The following UBAC2 variants were observed in gnomAD, a reference collection of about 807,000 sequenced individuals.
UBAC2 encodes the protein UBA domain containing 2, also known as ubiquitin-associated domain-containing protein 2.
In UBAC2, 26 loss-of-function variants were observed where a neutral mutation model predicts 44.0. The observed-to-expected ratio is 0.59, with a 90% CI of 0.43 to 0.82. The LOEUF (loss-of-function observed/expected upper bound fraction) is 0.82, where lower values mean the gene tolerates loss of function less well. UBAC2 is among the 40% of genes least tolerant of loss of function. UBAC2 has a pLI of 0.00. For missense variants in UBAC2, 329 were observed against 419.4 expected, an observed-to-expected ratio of 0.78 and a Z score of 1.88; for synonymous variants, 155 against 154.3, an observed-to-expected ratio of 1.00 and a Z score of -0.04.
chr13:99,385,176 G>A, intron 8 of UBAC2, 52 bp from the exon 9 acceptor site: 2 of 1,354,968 alleles, frequency 1.5e-6, no homozygotes, highest in South Asian at 1.2e-5. Flanking sequence ...GGGGCCCAGG[G>A]ATAAGCGGCA....
intron 8 of UBAC2, among the ~76,000 whole-genome samples, chr13:99,370,409 A>G (rs563150262): frequency 2.0e-5 from 3 of 152,356 alleles, no homozygotes; most frequent in African/African-American, 7.2e-5. Context: ...AATTATTTCA[A>G]ACTACAACCT....
intron 6 of UBAC2, among the ~76,000 whole-genome samples, chr13:99,332,263 CAGGACCAG>C (rs2044726529): frequency 1.3e-5 from 2 of 152,130 alleles, no homozygotes; most frequent in Non-Finnish European, 2.9e-5. Flanking sequence ...TAGTACTAAA[CAGGACCAG>C]AGGACAGTTG....
At chr13:99,214,990 T>A (rs2142666179) in intron 1 of UBAC2, among the ~76,000 whole-genome samples, 1 of 152,008 alleles carries the variant, frequency 6.6e-6, no homozygotes, top group Admixed American at 6.5e-5. Flanking sequence ...TCTTTTTGTT[T>A]TTTTTTTTTC....
At chr13:99,224,858 G>A (rs1257095747) in intron 1 of UBAC2, among the ~76,000 whole-genome samples, 3 of 152,086 alleles carry the variant, frequency 2.0e-5, no homozygotes, top group South Asian at 2.1e-4. Flanking sequence ...AAATTTTTAC[G>A]TAGTAAAAGT....
chr13:99,310,197 C>T (rs1473174162), intron 4 of UBAC2, among the ~76,000 whole-genome samples: 1 of 152,128 alleles, frequency 6.6e-6, no homozygotes, highest in African/African-American at 2.4e-5. Context: ...TGTGGTGGCA[C>T]ACACCAGTAG....
intron 4 of UBAC2, among the ~76,000 whole-genome samples, chr13:99,268,883 A>T (rs1241423329): frequency 6.6e-6 from 1 of 152,136 alleles, no homozygotes; most frequent in Non-Finnish European, 1.5e-5. Flanking sequence ...TGGGAGAAAC[A>T]GGTGGAGAAC....
intron 4 of UBAC2, among the ~76,000 whole-genome samples, chr13:99,281,942 A>G (rs1214043948): frequency 1.3e-5 from 2 of 152,220 alleles, no homozygotes; most frequent in Non-Finnish European, 2.9e-5. Flanking sequence ...AAGGGCGTGT[A>G]AGCTGTTGCC....
intron 4 of UBAC2, among the ~76,000 whole-genome samples, chr13:99,277,898 A>G (rs1356637293): frequency 6.6e-6 from 1 of 152,168 alleles, no homozygotes; most frequent in African/African-American, 2.4e-5. Flanking sequence ...CTCGGGATCC[A>G]TCTGTAGGAA....
At chr13:99,273,367 A>G (rs934996106) in intron 4 of UBAC2, among the ~76,000 whole-genome samples, 2 of 152,188 alleles carry the variant, frequency 1.3e-5, no homozygotes, top group Non-Finnish European at 2.9e-5. Flanking sequence ...GAGAATCCAC[A>G]GCCACTGCAG....
chr13:99,338,373 A>G (rs940418320), intron 6 of UBAC2, among the ~76,000 whole-genome samples: 1 of 152,032 alleles, frequency 6.6e-6, no homozygotes, highest in East Asian at 1.9e-4. Flanking sequence ...ATGTTTTAAG[A>G]AAGTTTATGA....
rs1262795746 is a variant in UBAC2, at chr13:99,273,570, CCTACCT to C, written c.389+28949_389+28954del. The stretch of plus-strand genomic sequence containing the variant: ...AGGAAATGCTATCTCTTGGTAGGTA[CCTACCT>C]CTTAAGGTAGGTACCTTGCAGTGTG... On this transcript the variant is annotated intron_variant, in intron 4 of 8. Coordinates refer to ENST00000403766, the MANE Select transcript of UBAC2 (RefSeq NM_001144072.2). Among the ~76,000 whole-genome samples the C allele has an allele frequency of 2.7e-4, 41 of 152,230 alleles. No individual in the cohort carries two copies. In the East Asian group the frequency reaches 7.3e-3, roughly 27 times the overall value.
intron 4 of UBAC2, among the ~76,000 whole-genome samples, chr13:99,306,684 G>C (rs1039582592): frequency 4.6e-5 from 7 of 151,928 alleles, no homozygotes; most frequent in Non-Finnish European, 1.0e-4. Context: ...TTCCCCTCAG[G>C]CACATAGAAA....
chr13:99,299,875 A>AT (rs770388041), intron 4 of UBAC2, among the ~76,000 whole-genome samples: 1 of 152,156 alleles, frequency 6.6e-6, no homozygotes, highest in Non-Finnish European at 1.5e-5. Context: ...CAGGAAAAAA[A>AT]TTGGAGTGGT....
intron 1 of UBAC2, among the ~76,000 whole-genome samples, chr13:99,220,461 C>T (rs1172465501): frequency 6.6e-6 from 1 of 152,178 alleles, no homozygotes; most frequent in Non-Finnish European, 1.5e-5. Flanking sequence ...TACGTAGTCA[C>T]CCAAGCCTGA....
chr13:99,313,404 A>G (rs2044441920), intron 4 of UBAC2: 1 of 152,300 alleles, frequency 6.6e-6, no homozygotes, highest in South Asian at 2.1e-4. Flanking sequence ...AGAAAGACAC[A>G]TAAGACTTTT....
At chr13:99,354,677 G>A (rs1403928751) in intron 7 of UBAC2, among the ~76,000 whole-genome samples, 2 of 151,750 alleles carry the variant, frequency 1.3e-5, no homozygotes, top group African/African-American at 4.9e-5. Flanking sequence ...AGTAATTTAC[G>A]ATGGGGCTGG....
At chr13:99,368,036 CA>C in intron 8 of UBAC2, 130 bp downstream of exon 8, 1 of 1,076,490 alleles carries the variant, frequency 9.3e-7, no homozygotes. Context: ...CATCTGCCAC[CA>C]TGATAGAGAC....
At chr13:99,289,335 G>A (rs1167356339) in intron 4 of UBAC2, among the ~76,000 whole-genome samples, 1 of 152,246 alleles carries the variant, frequency 6.6e-6, no homozygotes, top group African/African-American at 2.4e-5. Flanking sequence ...AGGGGAGGAA[G>A]CAGGAGAATC....
intron 4 of UBAC2, among the ~76,000 whole-genome samples, chr13:99,286,616 A>T (rs1280120628): frequency 6.6e-6 from 1 of 152,092 alleles, no homozygotes; most frequent in Admixed American, 6.5e-5. Flanking sequence ...TAGTGACCAT[A>T]GTACCCCATA....
Sources: gnomAD v4.1 joint callset for allele counts (sites outside exome capture counted in the v4.1 genomes callset) on GRCh38, gnomAD v4.1.1 for gene constraint, MANE v1.5 for transcripts, NCBI Gene and HGNC (gene_info 2026-07-23, HGNC 2026-07-21) for gene names.